Variants in XRCC1 observed in about 807,000 individuals in gnomAD.
The protein encoded by XRCC1 is DNA repair protein XRCC1.
XRCC1 carries 52 observed loss-of-function variants against 83.3 expected under a neutral mutation model. The ratio of observed to expected loss-of-function variants is 0.62; its 90% CI spans 0.50 to 0.79. The LOEUF (loss-of-function observed/expected upper bound fraction) is 0.79. Ranked by LOEUF, XRCC1 falls within the 30% of genes least tolerant of loss-of-function variation. The probability of loss-of-function intolerance (pLI) is 0.00; values close to 1 mark genes in which losing one functional copy is unlikely to be tolerated. For missense variants in XRCC1, 793 were observed against 823.5 expected (o/e 0.96, Z 0.45); for synonymous variants, 281 against 312.6 (o/e 0.90, Z 1.07).
At chr19:43,545,381 G>T (rs1045115631) in intron 14 of XRCC1, among the ~76,000 whole-genome samples, 1 of 152,190 alleles carries the variant, frequency 6.6e-6, no homozygotes, top group Non-Finnish European at 1.5e-5. Context: ...CACGTCCAGA[G>T]TGATGGCTGA....
intron 2 of XRCC1, among the ~76,000 whole-genome samples, chr19:43,570,620 C>T (rs781756649): frequency 8.5e-5 from 13 of 152,100 alleles, no homozygotes; most frequent in African/African-American, 2.2e-4. Context: ...CCCATCTCTA[C>T]GAAAAATTTT....
At chr19:43,545,757 G>A (rs753766494) in intron 14 of XRCC1, 61 bp downstream of exon 14, 15 of 1,592,756 alleles carry the variant, frequency 9.4e-6, no homozygotes, top group Non-Finnish European at 6.8e-6. Context: ...GCCAGGGCAA[G>A]TCCCAGCTGA....
intron 15 of XRCC1, 108 bp from the exon 16 acceptor site, chr19:43,543,795 G>A (rs568284253): frequency 2.3e-5 from 24 of 1,030,250 alleles, no homozygotes; most frequent in Middle Eastern, 2.4e-4. Flanking sequence ...CCACCTATGC[G>A]CCTCTAGGTT....
At position 43,554,806 on chromosome 19, in the gene XRCC1, T is replaced by A. The variant is rs1972619648; in HGVS notation, c.256-2A>T. On this transcript the variant is annotated splice_acceptor_variant, in intron 3 of 16. Transcript: ENST00000262887. LOFTEE classifies it high-confidence loss of function. The stretch of plus-strand genomic sequence containing the variant: ...GAAAGATGAGGTGACCAGAAGGACC[T>A]GGGTGGGAGAAGCCACAGTGCATGA... 1.2e-6 allele frequency: 2 copies of A among 1,609,108 alleles called. No homozygotes were observed. The highest frequency in any genetic ancestry group is 4.5e-5 in the East Asian group (2 of 44,710).
intron 3 of XRCC1, 34 bp downstream of exon 3, chr19:43,560,876 G>A (rs2037025534): frequency 6.5e-7 from 1 of 1,547,322 alleles, no homozygotes; most frequent in South Asian, 1.1e-5. Context: ...AGGGGCAGAG[G>A]TCAGTATGGG....
In XRCC1 at chr19:43,545,961, G is replaced by A. The variant is rs550746157; in HGVS notation, c.1482-4C>T. On this transcript the variant is annotated splice_polypyrimidine_tract_variant and splice_region_variant and intron_variant, in intron 13 of 16. Transcript: ENST00000262887. Reference sequence around the variant, plus strand: ...GTGTTCCTTCTGCTCTGCCACCCTGGGGGTGCCAAGAGGAGTAGAGAGTGA... The same window carrying A: ...GTGTTCCTTCTGCTCTGCCACCCTGAGGGTGCCAAGAGGAGTAGAGAGTGA... The A allele has an allele frequency of 6.2e-7, 1 of 1,613,800 alleles. No homozygotes were observed. Among genetic ancestry groups the A allele is most frequent in the Non-Finnish European group, 8.5e-7 (1 of 1,179,850 alleles).
intron 12 of XRCC1, 151 bp from the exon 13 acceptor site, chr19:43,546,257 C>A: frequency 1.1e-6 from 1 of 893,768 alleles, no homozygotes. Flanking sequence ...CCTCCTCCCT[C>A]TGATCCAGGA....
At chr19:43,565,572 A>G (rs1036610603) in intron 2 of XRCC1, among the ~76,000 whole-genome samples, 2 of 152,216 alleles carry the variant, frequency 1.3e-5, no homozygotes, top group Non-Finnish European at 2.9e-5. Context: ...TTTTAAATGA[A>G]CAATTCCTAC....
In XRCC1 at chr19:43,568,520, G is replaced by A. The variant is rs139639958; in HGVS notation, c.144+6390C>T. 4.2e-3 allele frequency among the ~76,000 whole-genome samples: 638 copies of A among 150,992 alleles called. 3 individuals carry two copies. The highest frequency in any genetic ancestry group is 0.01 in the South Asian group (49 of 4,724). On this transcript the variant is annotated intron_variant, in intron 2 of 16. Transcript: ENST00000262887. ...TCAAAGTAAGTAAGTAAGTAAGTAAGTAAATAAATAAATAAATAAATAAGG... is the reference window on the plus strand; with the variant it reads ...TCAAAGTAAGTAAGTAAGTAAGTAAATAAATAAATAAATAAATAAATAAGG...
intron 2 of XRCC1, among the ~76,000 whole-genome samples, chr19:43,563,027 C>T (rs192607804): frequency 2.0e-5 from 3 of 152,356 alleles, no homozygotes; most frequent in East Asian, 1.9e-4. Context: ...ACAGTCCACG[C>T]GTGCTCCTCC....
intron 2 of XRCC1, among the ~76,000 whole-genome samples, chr19:43,572,002 T>C (rs3213263): frequency 0.61 from 91,968 of 151,880 alleles, 28,185 homozygotes; most frequent in East Asian, 0.88. Flanking sequence ...GCCTCCTGGA[T>C]GCCACCCCTA....
At chr19:43,554,984 C>T (rs912004421) in intron 3 of XRCC1, 180 bp from the exon 4 acceptor site, 5 of 567,084 alleles carry the variant, frequency 8.8e-6, no homozygotes, top group African/African-American at 3.8e-5. Context: ...CCTGCCCTGA[C>T]ACAGGCCCCA....
chr19:43,546,193 C>A, intron 12 of XRCC1, 87 bp from the exon 13 acceptor site: 1 of 1,485,970 alleles, frequency 6.7e-7, no homozygotes, highest in South Asian at 1.1e-5. Context: ...ACCCAGGCAT[C>A]TCATGCCCCC....
At chr19:43,546,230 C>A in intron 12 of XRCC1, 124 bp from the exon 13 acceptor site, 1 of 1,110,888 alleles carries the variant, frequency 9.0e-7, no homozygotes, top group South Asian at 1.3e-5. Context: ...CAGATCCAGT[C>A]GTCTGGGCCC....
Position 43,561,006 on chromosome 19 carries a change from C to T in XRCC1, c.159G>A (p.Glu53=), listed in dbSNP as rs771038723. 1.2e-6 allele frequency: 2 copies of T among 1,614,004 alleles called. No homozygotes were observed. The highest frequency in any genetic ancestry group is 2.2e-5 in the South Asian group (2 of 91,092). The change falls in exon 3 of 17, where the codon GAG becomes GAA. Residue 53 remains glutamate, a synonymous_variant. Transcript: ENST00000262887. ...TCCCAATGTCCACACTGTGTATCTG[C>T]TCCTCCTTCTCCAACTGTGGGCAGA... ...ISVVLQLEKE[E]QIHSVDIGND... is the part of the protein sequence containing the mutation.
At chr19:43,563,468 G>C (rs1972721131) in intron 2 of XRCC1, among the ~76,000 whole-genome samples, 1 of 152,176 alleles carries the variant, frequency 6.6e-6, no homozygotes, top group Non-Finnish European at 1.5e-5. Context: ...ACTCCAGCTT[G>C]GGCGATGGAG....
intron 1 of XRCC1, 119 bp downstream of exon 1, chr19:43,575,289 C>G: frequency 1.7e-6 from 2 of 1,174,684 alleles, no homozygotes; most frequent in Non-Finnish European, 2.4e-6. Context: ...CACTTTTAGC[C>G]TCCTGGAAAT....
rs988765526 is a variant in XRCC1 at position 43,567,335 on chromosome 19, C to T, written c.145-6315G>A. ...TATTTATTTATGTTTTTTGTTGAGA[C>T]GGAGTCTCACTCTGTTGCCCAGGCT... On this transcript the variant is annotated intron_variant, in intron 2 of 16. Coordinates refer to ENST00000262887, the MANE Select transcript of XRCC1 (RefSeq NM_006297.3). Among the ~76,000 whole-genome samples, 4 of 150,242 alleles carry T rather than the reference C, an allele frequency of 2.7e-5. No homozygotes were observed. In the East Asian group the frequency reaches 5.8e-4, roughly 22 times the overall value.
In XRCC1 at chr19:43,560,948, C is replaced by T. The variant is rs537236859; in HGVS notation, c.217G>A (p.Gly73Ser). ...TCCCCAGCGCCTCCAGCTGAACTGCCCACCAGCACCTCCACGAAAGCTGAG... is the reference window on the plus strand; with the variant it reads ...TCCCCAGCGCCTCCAGCTGAACTGCTCACCAGCACCTCCACGAAAGCTGAG... Reference protein sequence around the residue: ...DGSAFVEVLVGSSAGGAGEQD... With the variant: ...DGSAFVEVLVSSSAGGAGEQD... The change falls in exon 3 of 17, where the codon GGC (glycine) becomes AGC (serine). Residue 73 changes from glycine (G) to serine (S), a missense_variant. Physicochemically the swap from Gly to Ser is moderately conservative, Grantham distance 56 (BLOSUM62 0). Transcript: ENST00000262887. The T allele has an allele frequency of 9.9e-6, 16 of 1,614,214 alleles. No individual in the cohort carries two copies. The South Asian group carries it at 1.6e-4, about 17-fold the overall frequency.
Sources: allele counts gnomAD v4.1 joint callset (sites outside exome capture counted in the v4.1 genomes callset), GRCh38; gene constraint gnomAD v4.1.1; transcripts MANE v1.5; gene names NCBI Gene and HGNC (gene_info 2026-07-23, HGNC 2026-07-21).